CSMD1: variants seen among roughly 807,000 people sequenced by gnomAD.
CSMD1 encodes the protein CUB and Sushi multiple domains 1.
CSMD1 carries 213 observed loss-of-function variants against 417.5 expected under a neutral mutation model. The observed-to-expected ratio is 0.51, with a 90% confidence interval of 0.46 to 0.57. The LOEUF is 0.57. CSMD1 is among the 20% of genes least tolerant of loss of function. CSMD1 has a pLI of 0.00. For synonymous variants in CSMD1, 2,862 were observed against 1,736.8 expected, an observed-to-expected ratio of 1.65 and a Z score of -16.11; for missense variants, 6,923 against 4,529.7, an observed-to-expected ratio of 1.53 and a Z score of -15.17.
intron 69 of CSMD1, among the ~76,000 whole-genome samples, chr8:2,939,667 C>T (rs370079087): frequency 6.3e-4 from 96 of 152,208 alleles, no homozygotes; most frequent in African/African-American, 2.1e-3. Context: ...AAACTTCTGC[C>T]GAGACATTTA....
At chr8:2,994,145 C>CAAAAAAAAAAAAAA (rs35438493) in intron 54 of CSMD1, among the ~76,000 whole-genome samples, 16 of 30,522 alleles carry the variant, frequency 5.2e-4, no homozygotes, top group African/African-American at 1.9e-3. Context: ...AACTCCATCT[C>CAAAAAAAAAAAAAA]AAAAAAAAAA....
At chr8:3,866,497 G>A (rs139787893) in intron 5 of CSMD1, among the ~76,000 whole-genome samples, 6 of 152,204 alleles carry the variant, frequency 3.9e-5, no homozygotes, top group Non-Finnish European at 1.5e-5. Flanking sequence ...CCTGTTGGGT[G>A]CCTGACGTGG....
At chr8:3,965,123 G>C (rs1431924646) in intron 5 of CSMD1, among the ~76,000 whole-genome samples, 2 of 152,134 alleles carry the variant, frequency 1.3e-5, no homozygotes, top group African/African-American at 4.8e-5. Flanking sequence ...TATTATTATT[G>C]TAATTGTGTT....
intron 6 of CSMD1, among the ~76,000 whole-genome samples, chr8:3,733,994 G>A (rs1377733337): frequency 2.6e-5 from 4 of 152,120 alleles, no homozygotes; most frequent in African/African-American, 7.2e-5. Context: ...ATGTCTGTAC[G>A]TGTGCAAGGG....
chr8:4,164,695 G>C (rs554990050), intron 3 of CSMD1, among the ~76,000 whole-genome samples: 12 of 152,156 alleles, frequency 7.9e-5, no homozygotes, highest in African/African-American at 2.6e-4. Flanking sequence ...AAAATATGTT[G>C]CTGAGGTGGA....
rs541192115 is a variant in CSMD1 at position 4,357,485 on chromosome 8, T to A, written c.415+62468A>T. Among the ~76,000 whole-genome samples the A allele has an allele frequency of 1.7e-3, 264 of 152,266 alleles. 1 individual carries two copies. Among genetic ancestry groups the A allele is most frequent in the African/African-American group, 6.0e-3 (251 of 41,544 alleles). On this transcript the variant is annotated intron_variant, in intron 3 of 69. Coordinates refer to ENST00000635120, the MANE Select transcript of CSMD1 (RefSeq NM_033225.6). ...TCTCCTACCATCGCCCTCACCAACATGGCATTACTTTATCCACAGTTCCTC... is the reference window on the plus strand; with the variant it reads ...TCTCCTACCATCGCCCTCACCAACAAGGCATTACTTTATCCACAGTTCCTC...
intron 9 of CSMD1, among the ~76,000 whole-genome samples, chr8:3,577,895 G>A (rs945453616): frequency 1.3e-5 from 2 of 152,104 alleles, no homozygotes; most frequent in Non-Finnish European, 2.9e-5. Flanking sequence ...GGCAACTACC[G>A]TAAGTTCAGC....
chr8:3,692,249 G>C (rs985486314), intron 7 of CSMD1, among the ~76,000 whole-genome samples: 6 of 152,188 alleles, frequency 3.9e-5, no homozygotes, highest in Non-Finnish European at 5.9e-5. Flanking sequence ...AGCCCCCTTA[G>C]TCGCTATCCT....
At chr8:4,250,730 A>C (rs1045807520) in intron 3 of CSMD1, among the ~76,000 whole-genome samples, 12 of 152,178 alleles carry the variant, frequency 7.9e-5, no homozygotes, top group Admixed American at 2.6e-4. Context: ...AAATCTAAAG[A>C]AAGTTTGCAA....
intron 3 of CSMD1, among the ~76,000 whole-genome samples, chr8:4,250,083 C>A (rs1313526621): frequency 1.3e-5 from 2 of 152,132 alleles, no homozygotes; most frequent in South Asian, 4.1e-4. Flanking sequence ...CCCTCTTTGC[C>A]CTTCTGCCAT....
At chr8:4,015,770 C>G (rs1163016770) in intron 4 of CSMD1, among the ~76,000 whole-genome samples, 1 of 150,820 alleles carries the variant, frequency 6.6e-6, no homozygotes, top group East Asian at 2.0e-4. Context: ...GAATACTTAT[C>G]TTAAATGTAT....
At chr8:4,812,135 A>T (rs746704314) in intron 1 of CSMD1, among the ~76,000 whole-genome samples, 9 of 152,190 alleles carry the variant, frequency 5.9e-5, no homozygotes, top group Non-Finnish European at 1.2e-4. Context: ...ACAACCAATT[A>T]TGCCCTTCTG....
chr8:4,626,607 G>C (rs952647423), intron 2 of CSMD1, among the ~76,000 whole-genome samples: 17 of 152,212 alleles, frequency 1.1e-4, no homozygotes, highest in Admixed American at 5.2e-4. Context: ...TCAGGGTCAG[G>C]ACCGCAGGGG....
At chr8:4,202,634 T>C (rs1032083505) in intron 3 of CSMD1, among the ~76,000 whole-genome samples, 2 of 152,200 alleles carry the variant, frequency 1.3e-5, no homozygotes, top group Admixed American at 1.3e-4. Flanking sequence ...TATTGTAAAT[T>C]TCCTCTCGAA....
chr8:4,206,683 C>T (rs1168070403), intron 3 of CSMD1, among the ~76,000 whole-genome samples: 1 of 152,106 alleles, frequency 6.6e-6, no homozygotes, highest in Non-Finnish European at 1.5e-5. Flanking sequence ...GATCTAAAAT[C>T]CTTTGGGTAT....
rs191022189 is a variant in CSMD1, at chr8:3,720,007, T to C, written c.932-11516A>G. Among the ~76,000 whole-genome samples, 33 of 152,252 alleles carry C rather than the reference T, an allele frequency of 2.2e-4. No individual in the cohort carries two copies. The East Asian group carries it at 4.3e-3, about 20-fold the overall frequency. On this transcript the variant is annotated intron_variant, in intron 6 of 69. Coordinates refer to ENST00000635120, the MANE Select transcript of CSMD1 (RefSeq NM_033225.6). ...GGTGAAGATTACATGACATGGCAAA[T>C]AGAAGCACCTAGTGCAATGTCTAGC...
chr8:3,463,265 C>G (rs576701412), intron 12 of CSMD1, among the ~76,000 whole-genome samples: 3 of 152,216 alleles, frequency 2.0e-5, no homozygotes, highest in African/African-American at 4.8e-5. Context: ...CTCCCAATAC[C>G]TCCTGCTACA....
At chr8:3,638,272 C>T (rs1330840349) in intron 7 of CSMD1, among the ~76,000 whole-genome samples, 1 of 152,040 alleles carries the variant, frequency 6.6e-6, no homozygotes, top group Non-Finnish European at 1.5e-5. Flanking sequence ...ACATGTACAC[C>T]ATAAGCAATT....
intron 41 of CSMD1, 46 bp from the exon 42 acceptor site, chr8:3,118,633 A>C: frequency 6.4e-7 from 1 of 1,562,902 alleles, no homozygotes; most frequent in Non-Finnish European, 8.7e-7. Flanking sequence ...TTGTGAGGTT[A>C]AATTACTTCG....
Sources: gnomAD v4.1 joint callset for allele counts (sites outside exome capture counted in the v4.1 genomes callset) on GRCh38, gnomAD v4.1.1 for gene constraint, MANE v1.5 for transcripts, NCBI Gene and HGNC (gene_info 2026-07-23, HGNC 2026-07-21) for gene names.